Variants in ICA1 observed in about 807,000 individuals in gnomAD.
The protein encoded by ICA1 is 69 kDa islet cell autoantigen.
A neutral mutation model predicts 71.0 loss-of-function variants in ICA1; 40 were observed. The observed-to-expected ratio is 0.56, with a 90% CI of 0.44 to 0.73. The LOEUF is 0.73. Ranked by LOEUF, ICA1 falls within the 30% of genes least tolerant of loss-of-function variation. The pLI is 0.00. For synonymous variants in ICA1, 207 were observed against 209.5 expected (o/e 0.99, Z 0.10); for missense variants, 578 against 576.5 (o/e 1.00, Z -0.03).
intron 13 of ICA1, among the ~76,000 whole-genome samples, chr7:8,119,391 C>T (rs1298165984): frequency 6.6e-6 from 1 of 152,202 alleles, no homozygotes; most frequent in East Asian, 1.9e-4. Context: ...AAGAGGCAGA[C>T]TCGAAGCATT....
chr7:8,220,120 A>T (rs570284325), intron 5 of ICA1, among the ~76,000 whole-genome samples: 29 of 152,324 alleles, frequency 1.9e-4, no homozygotes, highest in African/African-American at 6.5e-4. Flanking sequence ...TTTTACATAG[A>T]AAAATTATAA....
chr7:8,158,696 G>C, intron 6 of ICA1, 44 bp from the exon 7 acceptor site: 1 of 1,592,946 alleles, frequency 6.3e-7, no homozygotes, highest in Non-Finnish European at 8.6e-7. Context: ...TAACCCTTAA[G>C]TAGGTAAAAT....
chr7:8,175,093 G>A (rs1780157620), intron 6 of ICA1, among the ~76,000 whole-genome samples: 1 of 152,062 alleles, frequency 6.6e-6, no homozygotes, highest in Non-Finnish European at 1.5e-5. Flanking sequence ...TAAGGAAAAC[G>A]AGGTGGGGCT....
intron 13 of ICA1, among the ~76,000 whole-genome samples, chr7:8,126,316 C>T (rs1789157535): frequency 6.6e-6 from 1 of 152,168 alleles, no homozygotes; most frequent in African/African-American, 2.4e-5. Flanking sequence ...TTCTTAGCAC[C>T]TCCACCACAG....
At chr7:8,183,789 C>T (rs190338643) in intron 6 of ICA1, among the ~76,000 whole-genome samples, 320 of 152,190 alleles carry the variant, frequency 2.1e-3, no homozygotes, top group Middle Eastern at 6.8e-3. Context: ...GTCAATTATG[C>T]CTCTCTGTAA....
At chr7:8,153,650 G>C (rs1018359308) in intron 8 of ICA1, among the ~76,000 whole-genome samples, 1 of 152,012 alleles carries the variant, frequency 6.6e-6, no homozygotes, top group African/African-American at 2.4e-5. Flanking sequence ...ATTTCATTTA[G>C]TATTTTAAAA....
At chr7:8,172,606 G>A (rs2058515) in intron 6 of ICA1, among the ~76,000 whole-genome samples, 150,487 of 152,256 alleles carry the variant, frequency 0.99, 74,370 homozygotes, top group Middle Eastern at 1. Flanking sequence ...AAATAGGGTT[G>A]GTCTGGTGTT....
In ICA1 at chr7:8,248,725, C is replaced by T. The variant is rs562506935; in HGVS notation, c.-79-12720G>A. On this transcript the variant is annotated intron_variant, in intron 1 of 13. Coordinates refer to ENST00000402384, the MANE Select transcript of ICA1 (RefSeq NM_001136020.3). ...AGTAAGATGCCCACCACTCCCTCAA[C>T]CTCTCGAAAGAAAAGAAAATACACA... 2.6e-5 allele frequency among the ~76,000 whole-genome samples: 4 copies of T among 152,236 alleles called. No homozygotes were observed. In the South Asian group the frequency reaches 8.3e-4, roughly 32 times the overall value.
At chr7:8,206,597 A>G (rs1476642756) in intron 6 of ICA1, among the ~76,000 whole-genome samples, 3 of 152,232 alleles carry the variant, frequency 2.0e-5, no homozygotes, top group East Asian at 3.9e-4. Flanking sequence ...TTTGAGAGGC[A>G]GGAAAAGGCG....
intron 7 of ICA1, 79 bp downstream of exon 7, chr7:8,158,447 CT>C: frequency 1.3e-5 from 20 of 1,564,024 alleles, no homozygotes; most frequent in Non-Finnish European, 1.7e-5. Context: ...CCAAAGCTTA[CT>C]TTTAGCTCAA....
chr7:8,126,223 C>T (rs199948182), intron 13 of ICA1, among the ~76,000 whole-genome samples: 3 of 152,242 alleles, frequency 2.0e-5, no homozygotes, highest in East Asian at 3.9e-4. Context: ...GAGTGGGGTT[C>T]GTTCTGCAAC....
In ICA1 at chr7:8,165,055, C is replaced by A. The variant is rs142138529; in HGVS notation, c.580-6403G>T. 1.3e-3 allele frequency among the ~76,000 whole-genome samples: 204 copies of A among 152,212 alleles called. 3 individuals carry two copies. The South Asian group carries it at 0.023, about 17-fold the overall frequency. ...TCATGCCACTGCACTCCAGAAGCAG[C>A]CTGGGTGACAGTAAGACCCTGTCTC... On this transcript the variant is annotated intron_variant, in intron 6 of 13. Transcript: ENST00000402384.
At chr7:8,125,372 A>G (rs1345037904) in intron 13 of ICA1, among the ~76,000 whole-genome samples, 1 of 152,142 alleles carries the variant, frequency 6.6e-6, no homozygotes, top group African/African-American at 2.4e-5. Context: ...TCACTGTGCC[A>G]GGCATATCCT....
At chr7:8,175,517 A>G (rs770254190) in intron 6 of ICA1, among the ~76,000 whole-genome samples, 1 of 146,348 alleles carries the variant, frequency 6.8e-6, no homozygotes, top group Non-Finnish European at 1.5e-5. Flanking sequence ...TGTTTAAGAT[A>G]AGGGTTTTTT....
Position 8,221,282 on chromosome 7 carries a change from G to A in ICA1, c.373C>T (p.Gln125Ter). 6.2e-7 allele frequency: 1 copy of A among 1,613,494 alleles called. No homozygotes were observed. Among genetic ancestry groups the A allele is most frequent in the Non-Finnish European group, 8.5e-7 (1 of 1,179,594 alleles). ...CCACTAAAGGCCACACACCTTTGCT[G>A]GGAAGAAAAGCAGAGGGCCTTTCCT... is the stretch of plus-strand genomic sequence containing the variant. ...ATGKALCFSSQQRLALRNPLC... is the reference protein window; with the variant it reads ...ATGKALCFSS Residue 125 changes from glutamine (Q) to a stop codon, truncating the protein, a stop_gained, in exon 5 of 14, where the codon CAG (glutamine) becomes TAG (stop). Coordinates refer to ENST00000402384, the MANE Select transcript of ICA1 (RefSeq NM_001136020.3). LOFTEE classifies it high-confidence loss of function.
At position 8,234,842 on chromosome 7, in the gene ICA1, G is replaced by C. The variant is rs1188610929; in HGVS notation, c.17+1068C>G. Among the ~76,000 whole-genome samples the C allele has an allele frequency of 6.6e-6, 1 of 152,130 alleles. No homozygotes were observed. On this transcript the variant is annotated intron_variant, in intron 2 of 13. Transcript: ENST00000402384. This position sits in a 1 kb window ranked among gnomAD's most constrained non-coding sequence, Gnocchi z 4.5. ...CACTCCAAAGACTGATTATTTTAGG[G>C]GAATGGCATTCTCAAGAGTGGGCCA... is the stretch of plus-strand genomic sequence containing the variant.
chr7:8,194,808 T>C (rs1190471215), intron 6 of ICA1, among the ~76,000 whole-genome samples: 1 of 152,192 alleles, frequency 6.6e-6, no homozygotes, highest in Admixed American at 6.5e-5. Flanking sequence ...TTATGATAAA[T>C]GGAAGCCCTT....
chr7:8,255,779 C>CTTTTTTTTTTTTTTTTT (rs573673718), intron 1 of ICA1, among the ~76,000 whole-genome samples: 4 of 132,930 alleles, frequency 3.0e-5, no homozygotes, highest in African/African-American at 1.2e-4. Flanking sequence ...ACTTCTTTCT[C>CTTTTTTTTTTTTTTTTT]TTTTTTTTTT....
chr7:8,152,059 TGCCGGCC>T (rs1320652892), intron 8 of ICA1, among the ~76,000 whole-genome samples: 2 of 152,174 alleles, frequency 1.3e-5, no homozygotes, highest in African/African-American at 4.8e-5. Context: ...CTTTCCTGCC[TGCCGGCC>T]TTCCCAGCCC....
Sources: allele counts gnomAD v4.1 joint callset (sites outside exome capture counted in the v4.1 genomes callset), GRCh38; gene constraint gnomAD v4.1.1; non-coding constraint Gnocchi (gnomAD v3.1); transcripts MANE v1.5; gene names NCBI Gene and HGNC (gene_info 2026-07-23, HGNC 2026-07-21).